WASL: variants seen among roughly 807,000 people sequenced by gnomAD.
The protein encoded by WASL is WASP like actin nucleation promoting factor, also known as actin nucleation-promoting factor WASL.
In WASL, 20 loss-of-function variants were observed where a neutral mutation model predicts 55.5. The ratio of observed to expected loss-of-function variants is 0.36; its 90% CI spans 0.25 to 0.52. The LOEUF is 0.52. Among genes scored for constraint, WASL ranks in the 20% least tolerant of loss-of-function variants. The pLI is 0.92. For missense variants in WASL, 504 were observed against 622.5 expected, an observed-to-expected ratio of 0.81 and a Z score of 2.03; for synonymous variants, 249 against 217.6, an observed-to-expected ratio of 1.14 and a Z score of -1.27.
rs989638299 is a variant in WASL, at chr7:123,727,783, A to G, written c.118-18560T>C. On this transcript the variant is annotated intron_variant, in intron 1 of 10. Coordinates refer to ENST00000223023, the MANE Select transcript of WASL (RefSeq NM_003941.4). ...CATTTGTCAAAATTCATCAAAGTTA[A>G]TATTTAAGATCTGTGTATTTTATTA... Among the ~76,000 whole-genome samples the G allele has an allele frequency of 5.3e-5, 8 of 152,228 alleles. No homozygotes were observed. In the South Asian group the frequency reaches 1.7e-3, roughly 31 times the overall value.
At chr7:123,702,735 G>A (rs573010709) in intron 5 of WASL, among the ~76,000 whole-genome samples, 2 of 152,326 alleles carry the variant, frequency 1.3e-5, no homozygotes, top group South Asian at 2.1e-4. Flanking sequence ...GTACTCTACA[G>A]AGGATTTAAA....
chr7:123,711,908 C>T (rs1233477690), intron 1 of WASL, among the ~76,000 whole-genome samples: 1 of 152,138 alleles, frequency 6.6e-6, no homozygotes, highest in Admixed American at 6.6e-5. Flanking sequence ...TTGGTAGAAA[C>T]AGAACCTGTC....
chr7:123,692,785 A>G lies in WASL; in HGVS notation c.909T>C (p.Pro303=). 1 of 1,436,456 alleles carries G rather than the reference A, an allele frequency of 7.0e-7. No individual in the cohort carries two copies. The highest frequency in any genetic ancestry group is 9.2e-7 in the Non-Finnish European group (1 of 1,091,804). The allele number at this position is 1,436,456 out of a possible 1,614,324, so 89.0% of individuals were successfully genotyped here. The change falls in exon 9 of 11, where the codon CCT becomes CCC. Residue 303 remains proline, a synonymous_variant. Transcript: ENST00000223023. ...GGGGAGGAGCGCCTCTTCCCCTAGC[A>G]GGAGGAGGAGGAGGACCTGAGTTGT... The part of the protein sequence containing the change: ...PPHNSGPPPP[P]ARGRGAPPPP...
At chr7:123,744,459 T>TTA (rs1165552920) in intron 1 of WASL, among the ~76,000 whole-genome samples, 2 of 152,084 alleles carry the variant, frequency 1.3e-5, no homozygotes, top group East Asian at 3.9e-4. Context: ...TCTCCAAGAA[T>TTA]TATATATAGT....
chr7:123,738,838 A>G (rs1026146161), intron 1 of WASL, among the ~76,000 whole-genome samples: 6 of 152,154 alleles, frequency 3.9e-5, no homozygotes, highest in African/African-American at 1.2e-4. Flanking sequence ...GTCTTGAGTC[A>G]CACACAAAAT....
chr7:123,690,572 G>C (rs1803392825), intron 9 of WASL, among the ~76,000 whole-genome samples: 1 of 46,058 alleles, frequency 2.2e-5, no homozygotes, highest in Admixed American at 2.2e-4. Context: ...GGATAAAAAT[G>C]GCCCCCATTC....
chr7:123,734,970 A>C (rs1038078835), intron 1 of WASL, among the ~76,000 whole-genome samples: 1 of 152,110 alleles, frequency 6.6e-6, no homozygotes, highest in African/African-American at 2.4e-5. Flanking sequence ...CTAAAAAATA[A>C]GATTTCATTT....
intron 10 of WASL, among the ~76,000 whole-genome samples, chr7:123,687,106 A>G (rs1257309117): frequency 1.3e-5 from 2 of 152,086 alleles, no homozygotes; most frequent in Non-Finnish European, 2.9e-5. Context: ...CAAGTCAAAA[A>G]CCTTGGAGTC....
At chr7:123,691,009 G>C (rs1005510209) in intron 9 of WASL, among the ~76,000 whole-genome samples, 1 of 152,076 alleles carries the variant, frequency 6.6e-6, no homozygotes, top group African/African-American at 2.4e-5. Context: ...ACTGTTCATA[G>C]GTTTAAGTGT....
At chr7:123,703,937 G>A (rs1290494196) in intron 5 of WASL, among the ~76,000 whole-genome samples, 1 of 152,122 alleles carries the variant, frequency 6.6e-6, no homozygotes, top group East Asian at 1.9e-4. Flanking sequence ...TCTCTCTCCA[G>A]AGAAAAGAAC....
chr7:123,709,627 G>A (rs527493662), intron 1 of WASL, among the ~76,000 whole-genome samples: 1 of 152,066 alleles, frequency 6.6e-6, no homozygotes, highest in Non-Finnish European at 1.5e-5. Flanking sequence ...CCAAATCCAG[G>A]CAATTTGTGA....
Position 123,682,794 on chromosome 7 carries a change from T to C in WASL, c.*1725A>G, listed in dbSNP as rs961899986. On this transcript the variant is annotated 3_prime_UTR_variant, in exon 11 of 11. Coordinates refer to ENST00000223023, the MANE Select transcript of WASL (RefSeq NM_003941.4). ...GACTGAGCTCAAGCCACAATAAAAA[T>C]GATAGTAAGTAGAAAAAGGTTTCTA... is the stretch of plus-strand genomic sequence containing the variant. 1 of 152,084 alleles carries C rather than the reference T, an allele frequency of 6.6e-6. No individual in the cohort carries two copies. The highest frequency in any genetic ancestry group is 6.6e-5 in the Admixed American group (1 of 15,242). The allele number at this position is 152,084 out of a possible 1,614,324, so 9.4% of individuals were successfully genotyped here.
intron 1 of WASL, among the ~76,000 whole-genome samples, chr7:123,743,444 T>A (rs1804380110): frequency 6.6e-6 from 1 of 151,990 alleles, no homozygotes; most frequent in African/African-American, 2.4e-5. Flanking sequence ...CCTTTCTTCC[T>A]CTTCAATTAG....
chr7:123,748,515 G>A (rs1276770437), intron 1 of WASL, 103 bp downstream of exon 1: 2 of 1,265,960 alleles, frequency 1.6e-6, no homozygotes, highest in Non-Finnish European at 2.2e-6. Flanking sequence ...GGGAGGCCTG[G>A]CCCGCGCCGC....
intron 4 of WASL, among the ~76,000 whole-genome samples, chr7:123,705,363 G>A (rs1305096495): frequency 1.3e-5 from 2 of 152,310 alleles, no homozygotes; most frequent in East Asian, 3.9e-4. Flanking sequence ...TGGGGCTAAG[G>A]TTCAGGATAC....
rs1220559508 is a variant in WASL, at chr7:123,729,073, C to G, written c.117+19545G>C. ...ATGATTTGCACTGTCGTCATTATTA[C>G]TCTGTGAACTGCCTATGTCTACAGT... On this transcript the variant is annotated intron_variant, in intron 1 of 10. Coordinates refer to ENST00000223023, the MANE Select transcript of WASL (RefSeq NM_003941.4). 3.9e-5 allele frequency among the ~76,000 whole-genome samples: 6 copies of G among 152,112 alleles called. No individual in the cohort carries two copies. The East Asian group carries it at 1.2e-3, about 29-fold the overall frequency.
At chr7:123,706,492 G>C (rs1000773786) in intron 3 of WASL, 119 bp from the exon 4 acceptor site, 4 of 941,882 alleles carry the variant, frequency 4.2e-6, no homozygotes. Flanking sequence ...TTTACTAGCA[G>C]ATAAGACATT....
At chr7:123,693,018 A>G in intron 8 of WASL, 151 bp from the exon 9 acceptor site, 1 of 1,094,432 alleles carries the variant, frequency 9.1e-7, no homozygotes, top group Non-Finnish European at 1.2e-6. Flanking sequence ...ACCTGAGCAC[A>G]GATGATATCT....
chr7:123,705,960 G>A (rs1366603476), intron 4 of WASL, among the ~76,000 whole-genome samples: 2 of 151,892 alleles, frequency 1.3e-5, no homozygotes, highest in Non-Finnish European at 2.9e-5. Context: ...CAACAAAAAA[G>A]GTTATTGTAT....
Sources: gnomAD v4.1 joint callset for allele counts (sites outside exome capture counted in the v4.1 genomes callset) on GRCh38, gnomAD v4.1.1 for gene constraint, MANE v1.5 for transcripts, NCBI Gene and HGNC (gene_info 2026-07-23, HGNC 2026-07-21) for gene names.